RORA: variants seen among roughly 807,000 people sequenced by gnomAD.
RORA encodes the protein RAR related orphan receptor A.
Under a neutral mutation model 69.5 loss-of-function variants are expected in RORA, and 7 were observed. The observed-to-expected ratio is 0.10, with a 90% CI of 0.06 to 0.19. RORA has a LOEUF of 0.19. Among genes scored for constraint, RORA ranks in the 10% least tolerant of loss-of-function variants. The pLI is 1.00. For missense variants in RORA, 457 were observed against 663.0 expected, an observed-to-expected ratio of 0.69 and a Z score of 3.41; for synonymous variants, 261 against 240.8, an observed-to-expected ratio of 1.08 and a Z score of -0.78.
At chr15:61,202,084 T>G (rs1454284248) in intron 1 of RORA, among the ~76,000 whole-genome samples, 1 of 151,760 alleles carries the variant, frequency 6.6e-6, no homozygotes, top group Non-Finnish European at 1.5e-5. Context: ...CTCAGCTTAT[T>G]GCAACCTCCG....
chr15:60,653,254 A>G (rs915925800), intron 2 of RORA, among the ~76,000 whole-genome samples: 1 of 152,136 alleles, frequency 6.6e-6, no homozygotes, highest in Non-Finnish European at 1.5e-5. Flanking sequence ...CATATGAGCC[A>G]CAGATACAAG....
chr15:61,013,747 G>T (rs1895171778), intron 1 of RORA, among the ~76,000 whole-genome samples: 1 of 143,432 alleles, frequency 7.0e-6, no homozygotes, highest in Non-Finnish European at 1.5e-5. Flanking sequence ...CTCAAGTAAA[G>T]TCTCAGTTAC....
intron 1 of RORA, among the ~76,000 whole-genome samples, chr15:61,160,543 A>G (rs1180722351): frequency 6.6e-6 from 1 of 152,214 alleles, no homozygotes; most frequent in African/African-American, 2.4e-5. Flanking sequence ...GTTAAGCATG[A>G]AACAACGGCG....
At chr15:61,148,627 A>G (rs536325548) in intron 1 of RORA, among the ~76,000 whole-genome samples, 1 of 152,332 alleles carries the variant, frequency 6.6e-6, no homozygotes, top group East Asian at 1.9e-4. Flanking sequence ...ATAGAATGGG[A>G]AGGAATTGCT....
intron 1 of RORA, among the ~76,000 whole-genome samples, chr15:60,882,587 C>T (rs2073695082): frequency 6.6e-6 from 1 of 151,764 alleles, no homozygotes. Context: ...TATATTTCCT[C>T]TACAGCATGT....
At chr15:60,888,191 T>C (rs1011495097) in intron 1 of RORA, among the ~76,000 whole-genome samples, 1 of 152,148 alleles carries the variant, frequency 6.6e-6, no homozygotes, top group Non-Finnish European at 1.5e-5. Flanking sequence ...GGGCTTTCTG[T>C]TGTTGTTGTA....
intron 1 of RORA, among the ~76,000 whole-genome samples, chr15:61,205,084 C>G (rs183320913): frequency 6.6e-5 from 10 of 152,326 alleles, no homozygotes; most frequent in Admixed American, 4.6e-4. Flanking sequence ...GGCTTTCTAA[C>G]TCTTCTGAAG....
intron 1 of RORA, among the ~76,000 whole-genome samples, chr15:60,750,215 C>A (rs2071704274): frequency 6.6e-6 from 1 of 152,184 alleles, no homozygotes; most frequent in Non-Finnish European, 1.5e-5. Context: ...CAGAAAGTGG[C>A]ATAGCCAAAG....
In RORA at chr15:61,131,752, T is replaced by C. The variant is rs982392053; in HGVS notation, c.166+97301A>G. On this transcript the variant is annotated intron_variant, in intron 1 of 10. Transcript: ENST00000335670. This position sits in a 1 kb window ranked among gnomAD's most constrained non-coding sequence, Gnocchi z 4.2. ...AACATACTGAGCAGAAATTCCAACG[T>C]GGGCAGGGCTGGGGAAGGAGTAGGG... Among the ~76,000 whole-genome samples the C allele has an allele frequency of 6.6e-6, 1 of 152,166 alleles. No homozygotes were observed. Among genetic ancestry groups the C allele is most frequent in the African/African-American group, 2.4e-5 (1 of 41,446 alleles).
intron 2 of RORA, among the ~76,000 whole-genome samples, chr15:60,672,248 C>T (rs189278056): frequency 2.0e-5 from 3 of 152,164 alleles, no homozygotes; most frequent in African/African-American, 7.2e-5. Flanking sequence ...TAAAAGGAAA[C>T]CTTGGTCAAT....
At chr15:60,527,521 G>A (rs929609781) in intron 3 of RORA, among the ~76,000 whole-genome samples, 1 of 152,166 alleles carries the variant, frequency 6.6e-6, no homozygotes, top group Non-Finnish European at 1.5e-5. Flanking sequence ...CCCAGCTCAC[G>A]TTATGCCCCC....
intron 1 of RORA, among the ~76,000 whole-genome samples, chr15:61,105,106 A>G (rs1186011575): frequency 1.3e-5 from 2 of 151,602 alleles, no homozygotes; most frequent in African/African-American, 4.8e-5. Context: ...GTGGACTAAT[A>G]CAGCTAGTTA....
chr15:60,641,899 T>C (rs1301219585), intron 2 of RORA, among the ~76,000 whole-genome samples: 1 of 152,214 alleles, frequency 6.6e-6, no homozygotes, highest in Non-Finnish European at 1.5e-5. Context: ...ATTTTGCATG[T>C]CAAGTATTTG....
At chr15:61,058,649 A>T (rs555384196) in intron 1 of RORA, among the ~76,000 whole-genome samples, 2 of 152,280 alleles carry the variant, frequency 1.3e-5, no homozygotes, top group South Asian at 2.1e-4. Context: ...TGGAGTGAGA[A>T]GAAGAATGAT....
intron 1 of RORA, among the ~76,000 whole-genome samples, chr15:60,888,935 A>G (rs1295227065): frequency 2.0e-5 from 3 of 152,130 alleles, no homozygotes; most frequent in African/African-American, 7.2e-5. Flanking sequence ...GGGTGGGGGC[A>G]GAGTAGGAGC....
intron 1 of RORA, among the ~76,000 whole-genome samples, chr15:60,864,246 C>T (rs758159268): frequency 8.5e-5 from 13 of 152,136 alleles, no homozygotes; most frequent in Non-Finnish European, 1.9e-4. Flanking sequence ...ACTGTTGAGA[C>T]AAAACAATTA....
intron 1 of RORA, among the ~76,000 whole-genome samples, chr15:61,177,972 A>G (rs1004344669): frequency 6.6e-6 from 1 of 152,012 alleles, no homozygotes; most frequent in Non-Finnish European, 1.5e-5. Context: ...AACAAAAAAA[A>G]AAAGAAAAAG....
chr15:60,798,896 T>C (rs901833644), intron 1 of RORA, among the ~76,000 whole-genome samples: 9 of 151,942 alleles, frequency 5.9e-5, no homozygotes, highest in African/African-American at 1.9e-4. Context: ...AGTTATATAA[T>C]GAGCTAACAA....
chr15:60,594,111 TAC>T (rs1234068029), intron 2 of RORA, among the ~76,000 whole-genome samples: 1 of 152,104 alleles, frequency 6.6e-6, no homozygotes, highest in Non-Finnish European at 1.5e-5. Flanking sequence ...CAAAAAAAAC[TAC>T]AAAGAAAAGA....
Sources: gnomAD v4.1 joint callset for allele counts (sites outside exome capture counted in the v4.1 genomes callset) on GRCh38, gnomAD v4.1.1 for gene constraint, Gnocchi (gnomAD v3.1) non-coding constraint, MANE v1.5 for transcripts, NCBI Gene and HGNC (gene_info 2026-07-23, HGNC 2026-07-21) for gene names.